NCALD: variants seen among roughly 807,000 people sequenced by gnomAD.
NCALD encodes neurocalcin-delta.
A neutral mutation model predicts 18.6 loss-of-function variants in NCALD; 10 were observed. The observed-to-expected ratio is 0.54, with a 90% CI of 0.33 to 0.91. The LOEUF (loss-of-function observed/expected upper bound fraction) is 0.91. Ranked by LOEUF, NCALD falls within the 40% of genes least tolerant of loss-of-function variation. The pLI is 0.03. For synonymous variants in NCALD, 88 were observed against 87.4 expected, an observed-to-expected ratio of 1.01 and a Z score of -0.04; for missense variants, 184 against 247.6, an observed-to-expected ratio of 0.74 and a Z score of 1.72.
rs144269958 is a variant in NCALD, at chr8:101,776,094, T to C, written c.-20+14768A>G. ...GCATGAACCCCAGACAATCCTGTTA[T>C]AGACAAACAAAAGAACTCCACTGAG... On this transcript the variant is annotated intron_variant, in intron 1 of 3. Transcript: ENST00000220931. 1.2e-3 allele frequency among the ~76,000 whole-genome samples: 180 copies of C among 152,288 alleles called. 2 individuals carry two copies. The highest frequency in any genetic ancestry group is 5.0e-3 in the South Asian group (24 of 4,822).
At chr8:102,081,475 C>T (rs1824522345) in intron 1 of NCALD, among the ~76,000 whole-genome samples, 1 of 148,016 alleles carries the variant, frequency 6.8e-6, no homozygotes, top group South Asian at 2.1e-4. Flanking sequence ...CAAACGGGCC[C>T]TGGGCTTCAA....
At chr8:101,832,223 C>T (rs1016914710) in intron 4 of NCALD, among the ~76,000 whole-genome samples, 9 of 152,034 alleles carry the variant, frequency 5.9e-5, no homozygotes, top group African/African-American at 1.4e-4. Flanking sequence ...TGTCTCCACC[C>T]GGGGAAAGAA....
At chr8:101,804,457 A>G (rs1443097279) in intron 4 of NCALD, among the ~76,000 whole-genome samples, 1 of 129,968 alleles carries the variant, frequency 7.7e-6, no homozygotes, top group Non-Finnish European at 1.5e-5. Context: ...AATTAATTAT[A>G]TAATATATAA....
chr8:101,885,988 A>G (rs1816661604), intron 4 of NCALD, among the ~76,000 whole-genome samples: 1 of 152,210 alleles, frequency 6.6e-6, no homozygotes, highest in African/African-American at 2.4e-5. Flanking sequence ...AGCTTCCCAG[A>G]CTGCCTGATC....
chr8:101,896,395 C>T (rs1303050852), intron 3 of NCALD, among the ~76,000 whole-genome samples: 8 of 152,020 alleles, frequency 5.3e-5, no homozygotes, highest in Non-Finnish European at 1.5e-5. Context: ...AACGTTAGAC[C>T]TAAAACCATA....
At chr8:101,879,998 G>A (rs1816413706) in intron 4 of NCALD, among the ~76,000 whole-genome samples, 1 of 152,002 alleles carries the variant, frequency 6.6e-6, no homozygotes, top group Admixed American at 6.6e-5. Flanking sequence ...CAGCCCTTGG[G>A]CGGTGGATGG....
At chr8:101,915,774 T>G (rs1817951614) in intron 3 of NCALD, 1 of 152,182 alleles carries the variant, frequency 6.6e-6, no homozygotes, top group Non-Finnish European at 1.5e-5. Flanking sequence ...GATTTCCATT[T>G]ATAGCTAAGA....
chr8:101,811,609 A>C (rs549385740), intron 4 of NCALD, among the ~76,000 whole-genome samples: 1 of 152,356 alleles, frequency 6.6e-6, no homozygotes, highest in East Asian at 1.9e-4. Flanking sequence ...TTATGAAAGA[A>C]GCAAAGATAA....
intron 3 of NCALD, among the ~76,000 whole-genome samples, chr8:101,901,991 A>G (rs1240075013): frequency 1.3e-5 from 2 of 152,104 alleles, no homozygotes; most frequent in African/African-American, 2.4e-5. Context: ...GGGTTTCACC[A>G]TATTGGCCAG....
chr8:101,950,680 TC>T (rs929237692), intron 2 of NCALD, among the ~76,000 whole-genome samples: 1 of 152,096 alleles, frequency 6.6e-6, no homozygotes, highest in African/African-American at 2.4e-5. Context: ...AGACATTGTG[TC>T]CCCCCACTTG....
intron 4 of NCALD, among the ~76,000 whole-genome samples, chr8:101,870,823 G>C (rs930781819): frequency 1.3e-5 from 2 of 151,342 alleles, no homozygotes; most frequent in Admixed American, 1.3e-4. Context: ...AATAAAGAGG[G>C]AATGAGGAAA....
intron 1 of NCALD, among the ~76,000 whole-genome samples, chr8:102,039,901 G>T (rs892346556): frequency 6.6e-6 from 1 of 152,098 alleles, no homozygotes; most frequent in Non-Finnish European, 1.5e-5. Flanking sequence ...ATCTGTACAT[G>T]CCTGATCCCC....
intron 1 of NCALD, among the ~76,000 whole-genome samples, chr8:102,083,978 CA>C (rs745770640): frequency 3.4e-4 from 52 of 152,162 alleles, no homozygotes; most frequent in Non-Finnish European, 5.3e-4. Flanking sequence ...TGTAAAATGA[CA>C]AAAGTATCCA....
chr8:101,983,058 T>C (rs1049042390), intron 2 of NCALD, among the ~76,000 whole-genome samples: 5 of 152,138 alleles, frequency 3.3e-5, no homozygotes, highest in African/African-American at 1.2e-4. Context: ...ACAGTGTGAC[T>C]AGACCCCCAA....
intron 4 of NCALD, among the ~76,000 whole-genome samples, chr8:101,866,173 C>T (rs1225849913): frequency 6.6e-6 from 1 of 152,236 alleles, no homozygotes; most frequent in Non-Finnish European, 1.5e-5. Context: ...AATTCTCAGC[C>T]TCACCTCCCA....
chr8:101,842,357 G>C (rs1240648833), intron 4 of NCALD, among the ~76,000 whole-genome samples: 2 of 152,040 alleles, frequency 1.3e-5, no homozygotes, highest in East Asian at 3.8e-4. Flanking sequence ...AAAAAAACAA[G>C]AAGAGGAAGA....
At chr8:101,837,770 A>G (rs1293171945) in intron 4 of NCALD, among the ~76,000 whole-genome samples, 1 of 152,284 alleles carries the variant, frequency 6.6e-6, no homozygotes, top group African/African-American at 2.4e-5. Context: ...CCAGAGCAAT[A>G]CCCTGGGCCC....
intron 2 of NCALD, among the ~76,000 whole-genome samples, chr8:101,941,105 T>C (rs914905003): frequency 1.3e-5 from 2 of 152,202 alleles, no homozygotes; most frequent in African/African-American, 4.8e-5. Context: ...GTCTAGGCTA[T>C]AAGACATTTT....
chr8:101,763,952 T>TTCTCTCTCTC (rs149384386), intron 1 of NCALD, among the ~76,000 whole-genome samples: 1,539 of 121,918 alleles, frequency 0.013, 40 homozygotes, highest in African/African-American at 0.035. Flanking sequence ...TATGACAAAT[T>TTCTCTCTCTC]TCTCTCTCTC....
Sources: allele counts gnomAD v4.1 joint callset (sites outside exome capture counted in the v4.1 genomes callset), GRCh38; gene constraint gnomAD v4.1.1; transcripts MANE v1.5; gene names NCBI Gene and HGNC (gene_info 2026-07-23, HGNC 2026-07-21).